Variants in RHOT1 observed in about 807,000 individuals in gnomAD.
RHOT1 encodes the protein mitochondrial Rho GTPase 1.
In RHOT1, 27 loss-of-function variants were observed where a neutral mutation model predicts 95.3. The ratio of observed to expected loss-of-function variants is 0.28; its 90% CI spans 0.21 to 0.39. The LOEUF (loss-of-function observed/expected upper bound fraction) is 0.39. Ranked by LOEUF, RHOT1 falls within the 10% of genes least tolerant of loss-of-function variation. RHOT1 has a pLI of 1.00. For missense variants in RHOT1, 578 were observed against 786.7 expected (o/e 0.73, Z 3.17); for synonymous variants, 227 against 263.5 (o/e 0.86, Z 1.34).
At chr17:32,220,128 C>A (rs1028339032) in intron 19 of RHOT1, among the ~76,000 whole-genome samples, 1 of 152,184 alleles carries the variant, frequency 6.6e-6, no homozygotes, top group South Asian at 2.1e-4. Flanking sequence ...GCCTGTAATC[C>A]CAGCTCTTTG....
At position 32,148,153 on chromosome 17, in the gene RHOT1, T is replaced by TA. The variant is rs2031664096; in HGVS notation, c.37+5425dup. Among the ~76,000 whole-genome samples the TA allele has an allele frequency of 7.2e-5, 11 of 152,028 alleles. No homozygotes were observed. The South Asian group carries it at 1.9e-3, about 26-fold the overall frequency. On this transcript the variant is annotated intron_variant, in intron 1 of 19. Coordinates refer to ENST00000545287, the MANE Select transcript of RHOT1 (RefSeq NM_001033566.3). ...GGTGGCAGGTGCCTGTAGTCCCAGTTACTCGGGAGGCCGAGCCAGAAGAAT... is the reference window on the plus strand; with the variant it reads ...GGTGGCAGGTGCCTGTAGTCCCAGTTAACTCGGGAGGCCGAGCCAGAAGAAT...
chr17:32,202,597 C>A (rs1311881030), intron 14 of RHOT1, among the ~76,000 whole-genome samples, 173 bp from the exon 15 acceptor site: 1 of 152,154 alleles, frequency 6.6e-6, no homozygotes, highest in African/African-American at 2.4e-5. Flanking sequence ...CTTCTGCATT[C>A]TGTGTACTTC....
intron 18 of RHOT1, 102 bp from the exon 19 acceptor site, chr17:32,211,014 G>GT: frequency 1.7e-6 from 2 of 1,184,766 alleles, no homozygotes; most frequent in Non-Finnish European, 2.3e-6. Context: ...TACAAAGAGT[G>GT]TTGCTTATGC....
intron 11 of RHOT1, among the ~76,000 whole-genome samples, chr17:32,195,124 CTT>C (rs770806549): frequency 2.1e-5 from 3 of 144,734 alleles, no homozygotes; most frequent in African/African-American, 2.5e-5. Context: ...TGCACCCGGC[CTT>C]TTTTTTTTTT....
intron 1 of RHOT1, among the ~76,000 whole-genome samples, chr17:32,154,407 C>T (rs188034322): frequency 7.3e-5 from 11 of 150,594 alleles, no homozygotes; most frequent in East Asian, 5.9e-4. Flanking sequence ...AGTGAAACTC[C>T]GTCTCTACTA....
At chr17:32,164,521 C>T (rs750239259) in intron 1 of RHOT1, among the ~76,000 whole-genome samples, 2 of 151,932 alleles carry the variant, frequency 1.3e-5, no homozygotes, top group Non-Finnish European at 2.9e-5. Flanking sequence ...CGTGAGCCAC[C>T]GTGCCCAGAC....
intron 8 of RHOT1, among the ~76,000 whole-genome samples, chr17:32,187,497 A>T (rs2036148988): frequency 6.6e-6 from 1 of 152,154 alleles, no homozygotes; most frequent in Admixed American, 6.5e-5. Flanking sequence ...TTTCAGGAAA[A>T]GTTTATAGTA....
intron 1 of RHOT1, chr17:32,142,935 G>A: frequency 1.4e-6 from 1 of 717,058 alleles, no homozygotes; most frequent in East Asian, 2.7e-5. Context: ...CCCTCACCCT[G>A]TCACCTCACC....
rs896994272 is a variant in RHOT1 at position 32,218,140 on chromosome 17, G to A, written c.1863-6476G>A. 2.0e-5 allele frequency among the ~76,000 whole-genome samples: 3 copies of A among 151,920 alleles called. No homozygotes were observed. The East Asian group carries it at 5.9e-4, about 30-fold the overall frequency. ...GGCCTCCCAAAGTGCTGGGATTACA[G>A]GCATGGGCCACCATGCCCGTCCTCA... is the stretch of plus-strand genomic sequence containing the variant. On this transcript the variant is annotated intron_variant, in intron 19 of 19. Transcript: ENST00000545287.
At chr17:32,190,394 G>C (rs2036400871) in intron 8 of RHOT1, among the ~76,000 whole-genome samples, 1 of 152,070 alleles carries the variant, frequency 6.6e-6, no homozygotes, top group South Asian at 2.1e-4. Flanking sequence ...GGCAGAGGTT[G>C]CAGTGAGCCA....
chr17:32,192,907 C>CGCCT (rs1567701834), intron 9 of RHOT1, among the ~76,000 whole-genome samples: 1 of 152,028 alleles, frequency 6.6e-6, no homozygotes, highest in Non-Finnish European at 1.5e-5. Context: ...CCTCGTGATC[C>CGCCT]GCCTGCCTCA....
At chr17:32,201,707 C>T (rs947864885) in intron 14 of RHOT1, among the ~76,000 whole-genome samples, 57 of 152,290 alleles carry the variant, frequency 3.7e-4, no homozygotes, top group Non-Finnish European at 7.6e-4. Flanking sequence ...ACATTGTGGA[C>T]ATTTTTCTGT....
rs567020805 is a variant in RHOT1, at chr17:32,150,796, G to T, written c.37+8067G>T. 77 of 1,558,994 alleles carry T rather than the reference G, an allele frequency of 4.9e-5. No homozygotes were observed. The African/African-American group carries it at 9.2e-4, about 19-fold the overall frequency. On this transcript the variant is annotated intron_variant, in intron 1 of 19. Transcript: ENST00000545287. Reference sequence around the variant, plus strand: ...GTCACTTGTGGGACTCTCAGTGAAGGTAGAGTTCCATGCCCAATTGGAAGG... The same window carrying T: ...GTCACTTGTGGGACTCTCAGTGAAGTTAGAGTTCCATGCCCAATTGGAAGG...
chr17:32,155,433 T>C (rs578239736), intron 1 of RHOT1, among the ~76,000 whole-genome samples: 64 of 152,214 alleles, frequency 4.2e-4, no homozygotes, highest in Non-Finnish European at 8.8e-4. Flanking sequence ...GTGCTGGGAT[T>C]ACAGGTTTGA....
intron 6 of RHOT1, among the ~76,000 whole-genome samples, chr17:32,178,725 C>T (rs992597924): frequency 3.3e-5 from 5 of 151,276 alleles, no homozygotes; most frequent in Non-Finnish European, 7.4e-5. Context: ...GCCCAGCCGC[C>T]CTGTCTGGGA....
intron 1 of RHOT1, among the ~76,000 whole-genome samples, chr17:32,155,619 T>G (rs1420936290): frequency 1.3e-5 from 2 of 151,934 alleles, no homozygotes; most frequent in East Asian, 1.9e-4. Context: ...CATGGCTCAC[T>G]GCAGCTTCGA....
intron 1 of RHOT1, 54 bp downstream of exon 1, chr17:32,142,783 A>AGCCCCTGTC (rs532691914): frequency 3.5e-5 from 50 of 1,432,898 alleles, no homozygotes; most frequent in East Asian, 1.0e-4. Flanking sequence ...CTGCCCCTGC[A>AGCCCCTGTC]GCCCCTGTCG....
In RHOT1 at chr17:32,199,478, C is replaced by T. The variant is rs2142828766; in HGVS notation, c.1028C>T (p.Pro343Leu). The T allele has an allele frequency of 6.2e-7, 1 of 1,612,676 alleles. No homozygotes were observed. The highest frequency in any genetic ancestry group is 2.2e-5 in the East Asian group (1 of 44,846). ...GTTTTCCCTTACATACCTTGGGGGC[C>T]AGATGTGAATAACACAGTTTGTACC... ...FKVFPYIPWG[P>L]DVNNTVCTNE... Residue 343 changes from proline (P) to leucine (L), a missense_variant, in exon 13 of 20, where the codon CCA (proline) becomes CTA (leucine). Coordinates refer to ENST00000545287, the MANE Select transcript of RHOT1 (RefSeq NM_001033566.3).
Position 32,211,186 on chromosome 17 carries a change from T to A in RHOT1, c.1810T>A (p.Ser604Thr). Reference sequence around the variant, plus strand: ...TTGCATCTGTCAGAACTTCCTCAACTCAGACTTGCTGCAATCTGTAAAGAA... The same window carrying A: ...TTGCATCTGTCAGAACTTCCTCAACACAGACTTGCTGCAATCTGTAAAGAA... ...TFCICQNFLN[S>T]DLLQSVKNKI... Residue 604 changes from serine (S) to threonine (T), a missense_variant, in exon 19 of 20, where the codon TCA becomes ACA. Ser to Thr is a moderately conservative substitution (Grantham distance 58). This residue lies in a region of RHOT1 where 296 missense variants were observed against 338.5 expected (regional missense o/e 0.87). Transcript: ENST00000545287. 1 of 1,613,050 alleles carries A rather than the reference T, an allele frequency of 6.2e-7. No individual in the cohort carries two copies. Among genetic ancestry groups the A allele is most frequent in the Non-Finnish European group, 8.5e-7 (1 of 1,179,194 alleles).
Sources: gnomAD v4.1 joint callset for allele counts (sites outside exome capture counted in the v4.1 genomes callset) on GRCh38, gnomAD v4.1.1 for gene constraint, gnomAD v4.1.1 regional missense constraint, MANE v1.5 for transcripts, NCBI Gene and HGNC (gene_info 2026-07-23, HGNC 2026-07-21) for gene names.